The following PECR variants were observed in gnomAD, a reference collection of about 807,000 sequenced individuals.
The protein encoded by PECR is 2,4-dienoyl-CoA reductase-related protein.
A neutral mutation model predicts 35.3 loss-of-function variants in PECR; 30 were observed. That is an observed-to-expected ratio of 0.85 (90% CI 0.64 to 1.15). PECR has a LOEUF of 1.15. Ranked by LOEUF, PECR falls within the 50% of genes most tolerant of loss-of-function variation. PECR has a pLI of 0.00. For missense variants in PECR, 392 were observed against 370.8 expected (o/e 1.06, Z -0.47); for synonymous variants, 148 against 138.9 (o/e 1.07, Z -0.46).
chr2:216,040,118 G>T (rs1403209172), intron 7 of PECR, among the ~76,000 whole-genome samples: 2 of 143,288 alleles, frequency 1.4e-5, no homozygotes, highest in Non-Finnish European at 3.2e-5. Flanking sequence ...ACAGGAAACA[G>T]GGGAAAAACT....
chr2:216,039,299 G>GGTCTC lies in PECR; in HGVS notation c.883_887dup (p.Phe297ArgfsTer47), dbSNP rs754252482. 1 of 1,605,158 alleles carries GGTCTC rather than the reference G, an allele frequency of 6.2e-7. No homozygotes were observed. Among genetic ancestry groups the GGTCTC allele is most frequent in the Non-Finnish European group, 8.5e-7 (1 of 1,171,886 alleles). On this transcript the variant is annotated frameshift_variant, in exon 8 of 8. Coordinates refer to ENST00000265322, the MANE Select transcript of PECR (RefSeq NM_018441.6). LOFTEE classifies it high-confidence loss of function. Reference sequence around the variant, plus strand: ...CTCAGAGCTTAGCTTTCTCCTTAAAGGTCTCCTTCATCTTTTTGACAACAG... The same window carrying GGTCTC: ...CTCAGAGCTTAGCTTTCTCCTTAAAGGTCTCGTCTCCTTCATCTTTTTGACAACAG...
chr2:216,044,098 C>A, intron 6 of PECR, 83 bp from the exon 7 acceptor site: 1 of 742,892 alleles, frequency 1.3e-6, no homozygotes. Context: ...GTAAAGGCAT[C>A]TCAAAGCCCA....
chr2:216,062,625 C>T (rs182445792), intron 3 of PECR, among the ~76,000 whole-genome samples: 62 of 152,034 alleles, frequency 4.1e-4, no homozygotes, highest in African/African-American at 1.4e-3. Flanking sequence ...ATTTTAATTG[C>T]ATAAGTAATA....
At chr2:216,056,876 G>A (rs1242256379) in intron 4 of PECR, among the ~76,000 whole-genome samples, 1 of 152,000 alleles carries the variant, frequency 6.6e-6, no homozygotes, top group Non-Finnish European at 1.5e-5. Context: ...ATGAGTCATG[G>A]TCCAAAGTGT....
Position 216,081,603 on chromosome 2 carries a change from G to C in PECR, c.124+15C>G. On this transcript the variant is annotated intron_variant, in intron 1 of 7. Coordinates refer to ENST00000265322, the MANE Select transcript of PECR (RefSeq NM_018441.6). ...ACCACAGCCACCTCTCTGCACCAGC[G>C]GCCCGCTCACGTACCCAGCTCCAGG... 1 of 1,613,622 alleles carries C rather than the reference G, an allele frequency of 6.2e-7. No homozygotes were observed. Among genetic ancestry groups the C allele is most frequent in the East Asian group, 2.2e-5 (1 of 44,876 alleles).
intron 1 of PECR, among the ~76,000 whole-genome samples, chr2:216,074,518 AAGGAAGGAAGGAAGGAAGGAAGAAAGG>A (rs1274519529): frequency 6.0e-5 from 8 of 133,320 alleles, no homozygotes; most frequent in African/African-American, 2.5e-4. Flanking sequence ...GGAAGGAAGG[AAGGAAGGAAGGAAGGAAGGAAGAAAGG>A]AAGGAAGGAA....
At position 216,062,837 on chromosome 2, in the gene PECR, G is replaced by A. The variant is rs150578566; in HGVS notation, c.424+2475C>T. Among the ~76,000 whole-genome samples the A allele has an allele frequency of 3.9e-5, 6 of 152,176 alleles. No individual in the cohort carries two copies. In the East Asian group the frequency reaches 5.8e-4, roughly 15 times the overall value. On this transcript the variant is annotated intron_variant, in intron 3 of 7. Transcript: ENST00000265322. The stretch of plus-strand genomic sequence containing the variant: ...ATTTTTACTGTACTTTTTCTATGTC[G>A]AGATACACAAATACTTGATGTGTTA...
At position 216,031,669 on chromosome 2, in the gene PECR, A is replaced by AAG. The variant is rs777419337; in HGVS notation, c.*440+7520_*440+7521dup. On this transcript the variant is annotated intron_variant and NMD_transcript_variant, in intron 7 of 7. Coordinates refer to the PECR transcript ENST00000442122. ...AAGAAAAGAAAGAAAGAAAGAAAGA[A>AAG]AGAAAGAAAGAAAGAAAGAAAGAGA... 3.8e-3 allele frequency among the ~76,000 whole-genome samples: 312 copies of AAG among 81,382 alleles called. 1 individual carries two copies. Among genetic ancestry groups the AAG allele is most frequent in the African/African-American group, 0.018 (297 of 16,498 alleles). The allele number at this position is 81,382 out of a possible 152,430, so 53.4% of individuals were successfully genotyped here.
intron 1 of PECR, among the ~76,000 whole-genome samples, chr2:216,080,148 G>A (rs1264421884): frequency 6.6e-6 from 1 of 151,736 alleles, no homozygotes; most frequent in Non-Finnish European, 1.5e-5. Context: ...GTGGCTTGAC[G>A]TCAGCTCATT....
At chr2:216,043,511 C>T (rs1372952741) in intron 7 of PECR, among the ~76,000 whole-genome samples, 1 of 152,028 alleles carries the variant, frequency 6.6e-6, no homozygotes, top group Non-Finnish European at 1.5e-5. Flanking sequence ...CCATAGCACC[C>T]CACCCCACCT....
At position 216,043,041 on chromosome 2, in the gene PECR, A is replaced by ATATATGTATGTG. The variant is rs1559207824; in HGVS notation, c.826+862_826+863insCACATACATATA. On this transcript the variant is annotated intron_variant, in intron 7 of 7. Transcript: ENST00000265322. ...TACACATACGTATATATGTATGTGT[A>ATATATGTATGTG]TATATATATACACATACGTATATAT... Among the ~76,000 whole-genome samples the ATATATGTATGTG allele has an allele frequency of 3.1e-4, 41 of 132,504 alleles. 1 individual carries two copies. Among genetic ancestry groups the ATATATGTATGTG allele is most frequent in the South Asian group, 2.7e-3 (12 of 4,392 alleles). 86.9% of individuals were successfully genotyped at this position (132,504 alleles called of 152,430 possible).
chr2:216,059,895 C>T (rs1183643899), intron 3 of PECR, among the ~76,000 whole-genome samples: 4 of 152,216 alleles, frequency 2.6e-5, no homozygotes, highest in African/African-American at 9.6e-5. Flanking sequence ...GGGCCCTCTG[C>T]ATCTCCATAT....
At chr2:216,074,961 A>G (rs1408308713) in intron 1 of PECR, among the ~76,000 whole-genome samples, 1 of 152,230 alleles carries the variant, frequency 6.6e-6, no homozygotes, top group Non-Finnish European at 1.5e-5. Context: ...AATGAATGAG[A>G]TATGACTACA....
At chr2:216,072,821 T>C (rs1409089394) in intron 1 of PECR, among the ~76,000 whole-genome samples, 2 of 152,238 alleles carry the variant, frequency 1.3e-5, no homozygotes, top group Non-Finnish European at 2.9e-5. Context: ...AGTGCTGTGA[T>C]AAACATACTA....
intron 1 of PECR, among the ~76,000 whole-genome samples, chr2:216,074,349 A>C (rs1695643040): frequency 6.6e-6 from 1 of 152,188 alleles, no homozygotes; most frequent in Non-Finnish European, 1.5e-5. Context: ...CAGGAGACTA[A>C]GCCACGAGAA....
At chr2:216,048,843 C>CAAAAAAAAA (rs59623283) in intron 6 of PECR, among the ~76,000 whole-genome samples, 1 of 74,090 alleles carries the variant, frequency 1.3e-5, no homozygotes, top group Non-Finnish European at 2.6e-5. Context: ...CTGTCTCAAG[C>CAAAAAAAAA]AAAAAAAAAA....
intron 4 of PECR, among the ~76,000 whole-genome samples, chr2:216,052,551 A>G (rs1357826314): frequency 6.6e-6 from 1 of 152,192 alleles, no homozygotes; most frequent in Non-Finnish European, 1.5e-5. Context: ...TACACCACTA[A>G]CTTTTAACTT....
At chr2:216,042,297 T>C (rs546591204) in intron 7 of PECR, among the ~76,000 whole-genome samples, 1 of 152,350 alleles carries the variant, frequency 6.6e-6, no homozygotes, top group South Asian at 2.1e-4. Flanking sequence ...CTAATGGTTG[T>C]TGTGTTGTGA....
chr2:216,053,032 T>G (rs1288426296), intron 4 of PECR, among the ~76,000 whole-genome samples: 1 of 151,910 alleles, frequency 6.6e-6, no homozygotes, highest in Non-Finnish European at 1.5e-5. Context: ...TTTTGTATTT[T>G]TAGTAGAGAT....
Sources: allele counts gnomAD v4.1 joint callset (sites outside exome capture counted in the v4.1 genomes callset), GRCh38; gene constraint gnomAD v4.1.1; transcripts MANE v1.5; gene names NCBI Gene and HGNC (gene_info 2026-07-23, HGNC 2026-07-21).